Variants in SRP54 observed in about 807,000 individuals in gnomAD.
SRP54 encodes signal recognition particle subunit SRP54.
Under a neutral mutation model 64.8 loss-of-function variants are expected in SRP54, and 10 were observed. The observed-to-expected ratio is 0.15, with a 90% CI of 0.10 to 0.26. The LOEUF (loss-of-function observed/expected upper bound fraction) is 0.26, where lower values mean the gene tolerates loss of function less well. Among genes scored for constraint, SRP54 ranks in the 10% least tolerant of loss-of-function variants. The pLI, the probability that SRP54 is intolerant of heterozygous loss-of-function variation, is 1.00. For missense variants in SRP54, 325 were observed against 613.7 expected, an observed-to-expected ratio of 0.53 and a Z score of 4.97; for synonymous variants, 193 against 185.6, an observed-to-expected ratio of 1.04 and a Z score of -0.32.
intron 5 of SRP54, among the ~76,000 whole-genome samples, chr14:35,008,031 G>T (rs1269851895): frequency 6.6e-6 from 1 of 151,984 alleles, no homozygotes; most frequent in Non-Finnish European, 1.5e-5. Context: ...AGAGAACATG[G>T]AGTTTACTTT....
chr14:35,001,630 A>G (rs2044174996), intron 4 of SRP54, among the ~76,000 whole-genome samples: 1 of 152,142 alleles, frequency 6.6e-6, no homozygotes, highest in Admixed American at 6.6e-5. Flanking sequence ...TTGCCTAGTG[A>G]TGGTCCTGCT....
At chr14:35,027,000 C>G (rs1313728146) in intron 14 of SRP54, among the ~76,000 whole-genome samples, 1 of 151,134 alleles carries the variant, frequency 6.6e-6, no homozygotes, top group Non-Finnish European at 1.5e-5. Context: ...CACGTTCTCT[C>G]AGACTCATAC....
At chr14:34,998,561 C>T (rs1269086429) in intron 2 of SRP54, among the ~76,000 whole-genome samples, 1 of 152,036 alleles carries the variant, frequency 6.6e-6, no homozygotes, top group Non-Finnish European at 1.5e-5. Context: ...CCTGTAATCC[C>T]AGCACTCTGG....
intron 4 of SRP54, among the ~76,000 whole-genome samples, chr14:35,005,656 G>A (rs1232975577): frequency 1.3e-5 from 2 of 151,926 alleles, no homozygotes; most frequent in East Asian, 1.9e-4. Flanking sequence ...TTGTCCCCCC[G>A]CTGAAAGGGC....
intron 14 of SRP54, among the ~76,000 whole-genome samples, chr14:35,026,409 T>A (rs1010427746): frequency 9.9e-5 from 15 of 151,994 alleles, no homozygotes; most frequent in South Asian, 2.1e-4. Context: ...TTTTTTTGTT[T>A]TTTTTGTAGA....
intron 1 of SRP54, among the ~76,000 whole-genome samples, chr14:34,984,908 CTTT>C (rs34789836): frequency 2.8e-5 from 4 of 141,510 alleles, no homozygotes; most frequent in Non-Finnish European, 4.6e-5. Context: ...CTTCACCTTC[CTTT>C]TTTTTTTTTT....
At chr14:34,983,379 A>G (rs1472023477) in intron 1 of SRP54, among the ~76,000 whole-genome samples, 164 bp downstream of exon 1, 1 of 152,076 alleles carries the variant, frequency 6.6e-6, no homozygotes, top group East Asian at 1.9e-4. Flanking sequence ...CTTCCATGAG[A>G]AGTTTTATTA....
At chr14:35,009,576 A>T (rs17102962) in intron 7 of SRP54, among the ~76,000 whole-genome samples, 25,696 of 151,726 alleles carry the variant, frequency 0.17, 2,353 homozygotes, top group East Asian at 0.3. Flanking sequence ...TAGGGATGAG[A>T]TTAAACTTTT....
At chr14:35,001,887 AAAAG>A (rs2044179016) in intron 4 of SRP54, among the ~76,000 whole-genome samples, 1 of 152,210 alleles carries the variant, frequency 6.6e-6, no homozygotes, top group African/African-American at 2.4e-5. Context: ...TGTAGAAAAA[AAAAG>A]AAAGGAGCTG....
intron 14 of SRP54, among the ~76,000 whole-genome samples, chr14:35,025,808 A>T (rs990945151): frequency 6.6e-6 from 1 of 152,174 alleles, no homozygotes. Context: ...ATTCACATTA[A>T]CCAGCTGTGA....
intron 1 of SRP54, among the ~76,000 whole-genome samples, chr14:34,988,560 CAA>C (rs1160365086): frequency 0.017 from 442 of 26,348 alleles, 17 homozygotes; most frequent in Non-Finnish European, 0.032. Context: ...GACTCCATCT[CAA>C]AAAAAAAAAA....
intron 11 of SRP54, among the ~76,000 whole-genome samples, chr14:35,016,607 G>T (rs1358149577): frequency 1.3e-5 from 2 of 152,076 alleles, no homozygotes; most frequent in Non-Finnish European, 1.5e-5. Context: ...AGACTGAGTT[G>T]GAACCTTCTG....
At chr14:35,025,132 G>T (rs1486977101) in intron 14 of SRP54, among the ~76,000 whole-genome samples, 2 of 152,052 alleles carry the variant, frequency 1.3e-5, no homozygotes, top group Non-Finnish European at 2.9e-5. Context: ...GTTTTCCAAA[G>T]ACTTCCAACT....
intron 4 of SRP54, among the ~76,000 whole-genome samples, chr14:35,005,436 G>T (rs1268546895): frequency 1.3e-5 from 2 of 152,154 alleles, no homozygotes; most frequent in Admixed American, 6.5e-5. Context: ...ACAGCCTGTT[G>T]CCCAGGCCGG....
At chr14:34,983,959 C>A (rs1247736925) in intron 1 of SRP54, among the ~76,000 whole-genome samples, 1 of 152,164 alleles carries the variant, frequency 6.6e-6, no homozygotes, top group Admixed American at 6.5e-5. Flanking sequence ...GAGCCAGTTT[C>A]TATTCCAATC....
intron 7 of SRP54, 29 bp downstream of exon 7, chr14:35,008,860 T>TA (rs1324032265): frequency 6.8e-7 from 1 of 1,475,092 alleles, no homozygotes. Context: ...TTTTAACACT[T>TA]ATATCCCTCT....
chr14:34,995,103 T>C (rs1263594934), intron 1 of SRP54, among the ~76,000 whole-genome samples: 1 of 149,882 alleles, frequency 6.7e-6, no homozygotes, highest in African/African-American at 2.5e-5. Flanking sequence ...TTTTTTTTTT[T>C]TCTTGTTCCA....
intron 8 of SRP54, among the ~76,000 whole-genome samples, chr14:35,012,338 G>A (rs769022101): frequency 6.6e-6 from 1 of 151,466 alleles, no homozygotes; most frequent in Non-Finnish European, 1.5e-5. Context: ...TTATCATTTT[G>A]TGTCTCTTTA....
At chr14:34,996,420 TC>T (rs1306433591) in intron 1 of SRP54, among the ~76,000 whole-genome samples, 3 of 152,200 alleles carry the variant, frequency 2.0e-5, no homozygotes, top group East Asian at 3.8e-4. Context: ...CATTATTTCC[TC>T]AAAGTATGGT....
Sources: gnomAD v4.1 joint callset for allele counts (sites outside exome capture counted in the v4.1 genomes callset) on GRCh38, gnomAD v4.1.1 for gene constraint, MANE v1.5 for transcripts, NCBI Gene and HGNC (gene_info 2026-07-23, HGNC 2026-07-21) for gene names.